The following TRPS1 variants were observed in gnomAD, a reference collection of about 807,000 sequenced individuals.
The protein encoded by TRPS1 is transcriptional repressor GATA binding 1, also known as zinc finger transcription factor Trps1.
In TRPS1, 6 loss-of-function variants were observed where a neutral mutation model predicts 101.2. The observed-to-expected ratio is 0.06, with a 90% CI of 0.03 to 0.12. TRPS1 has a LOEUF of 0.12. Among genes scored for constraint, TRPS1 ranks in the 10% least tolerant of loss-of-function variants. TRPS1 has a pLI of 1.00. For missense variants in TRPS1, 1,363 were observed against 1,567.0 expected, an observed-to-expected ratio of 0.87 and a Z score of 2.20; for synonymous variants, 578 against 589.8, an observed-to-expected ratio of 0.98 and a Z score of 0.29.
intron 5 of TRPS1, chr8:115,510,917 G>A (rs1416281495): frequency 6.6e-6 from 1 of 151,882 alleles, no homozygotes; most frequent in Admixed American, 6.6e-5. Context: ...AGAATTTTCA[G>A]GATGTAGTAA....
chr8:115,658,276 A>C (rs1811720230), intron 1 of TRPS1, among the ~76,000 whole-genome samples: 1 of 152,122 alleles, frequency 6.6e-6, no homozygotes, highest in Non-Finnish European at 1.5e-5. Context: ...ACAGTAGCGC[A>C]CCAGAAGCTA....
intron 5 of TRPS1, among the ~76,000 whole-genome samples, chr8:115,433,097 T>C (rs968223590): frequency 6.6e-6 from 1 of 151,892 alleles, no homozygotes; most frequent in African/African-American, 2.4e-5. Flanking sequence ...AATTTGAAAA[T>C]ATCACCATAA....
chr8:115,628,366 C>T (rs982618967), intron 1 of TRPS1, among the ~76,000 whole-genome samples: 10 of 151,630 alleles, frequency 6.6e-5, no homozygotes, highest in Non-Finnish European at 1.0e-4. Context: ...GGTTTAGCTA[C>T]CACCCTATTT....
In TRPS1 at chr8:115,574,528, T is replaced by C. The variant is rs188893058; in HGVS notation, c.2700+12473A>G. The stretch of plus-strand genomic sequence containing the variant: ...AAAGAGACAGGACATAGAATAGTTT[T>C]GTACTCTTTGCTTTAACACCTGATT... On this transcript the variant is annotated intron_variant, in intron 5 of 6. Coordinates refer to ENST00000395715, the MANE Select transcript of TRPS1 (RefSeq NM_014112.5). 9.7e-4 allele frequency among the ~76,000 whole-genome samples: 147 copies of C among 152,272 alleles called. 1 individual carries two copies. The Middle Eastern group carries it at 0.014, about 14-fold the overall frequency.
intron 1 of TRPS1, among the ~76,000 whole-genome samples, chr8:115,650,606 AG>A (rs1811538173): frequency 6.6e-6 from 1 of 152,212 alleles, no homozygotes. Context: ...TAAAAAAAAA[AG>A]TTCTTAAACT....
intron 5 of TRPS1, among the ~76,000 whole-genome samples, chr8:115,443,779 C>T (rs1813665645): frequency 6.6e-6 from 1 of 152,176 alleles, no homozygotes; most frequent in Non-Finnish European, 1.5e-5. Flanking sequence ...TATGATCGTT[C>T]CATTTCAGAA....
At chr8:115,521,332 T>C (rs1301880852) in intron 5 of TRPS1, among the ~76,000 whole-genome samples, 1 of 151,854 alleles carries the variant, frequency 6.6e-6, no homozygotes, top group Non-Finnish European at 1.5e-5. Context: ...TTGTATTTTG[T>C]AGTTTCTTGT....
chr8:115,645,667 A>T (rs981453296), intron 1 of TRPS1, among the ~76,000 whole-genome samples: 2 of 152,228 alleles, frequency 1.3e-5, no homozygotes, highest in South Asian at 4.1e-4. Context: ...TCAAAAAGTC[A>T]TATTTTTTAA....
rs137933932 is a variant in TRPS1, at chr8:115,479,670, T to A, written c.2701-61218A>T. Among the ~76,000 whole-genome samples the A allele has an allele frequency of 3.5e-4, 54 of 152,278 alleles. No individual in the cohort carries two copies. The East Asian group carries it at 8.3e-3, about 23-fold the overall frequency. ...TCTATATTTAACAGCATTAATAACA[T>A]AACAGTCTATATTTAACAGACAGCT... On this transcript the variant is annotated intron_variant, in intron 5 of 6. Coordinates refer to ENST00000395715, the MANE Select transcript of TRPS1 (RefSeq NM_014112.5).
chr8:115,529,584 A>C (rs1816081932), intron 5 of TRPS1, among the ~76,000 whole-genome samples: 1 of 152,128 alleles, frequency 6.6e-6, no homozygotes, highest in East Asian at 1.9e-4. Context: ...CCTCTCCTGA[A>C]GAAGAGAAAG....
chr8:115,463,669 G>C (rs992715244), intron 5 of TRPS1, among the ~76,000 whole-genome samples: 4 of 152,046 alleles, frequency 2.6e-5, no homozygotes, highest in East Asian at 1.9e-4. Context: ...GTATTTCATT[G>C]ATTTCAGCTC....
At chr8:115,512,369 T>C (rs1815607173) in intron 5 of TRPS1, among the ~76,000 whole-genome samples, 1 of 151,718 alleles carries the variant, frequency 6.6e-6, no homozygotes, top group South Asian at 2.1e-4. Context: ...AAGCTTGGCC[T>C]TATTTCTTCA....
intron 5 of TRPS1, among the ~76,000 whole-genome samples, chr8:115,567,887 A>G (rs544999310): frequency 6.6e-6 from 1 of 152,240 alleles, no homozygotes; most frequent in East Asian, 1.9e-4. Context: ...ATGATATATC[A>G]GGGATTAGAG....
chr8:115,542,384 C>T (rs779322820), intron 5 of TRPS1, among the ~76,000 whole-genome samples: 12 of 151,910 alleles, frequency 7.9e-5, no homozygotes, highest in South Asian at 4.1e-4. Context: ...CCTGACTTTC[C>T]GAAATATTTA....
At chr8:115,430,002 T>A (rs28491776) in intron 5 of TRPS1, among the ~76,000 whole-genome samples, 1,693 of 152,260 alleles carry the variant, frequency 0.011, 30 homozygotes, top group African/African-American at 0.037. Context: ...AAAGGATTCA[T>A]AGTGTAGCTG....
intron 5 of TRPS1, among the ~76,000 whole-genome samples, chr8:115,578,572 A>ATCCC (rs1817373934): frequency 6.6e-6 from 1 of 152,104 alleles, no homozygotes; most frequent in Non-Finnish European, 1.5e-5. Flanking sequence ...CACAAAAATG[A>ATCCC]ACATTGTGGG....
At chr8:115,632,575 A>T (rs2130565209) in intron 1 of TRPS1, among the ~76,000 whole-genome samples, 1 of 152,248 alleles carries the variant, frequency 6.6e-6, no homozygotes, top group South Asian at 2.1e-4. Context: ...TATCAGCAGT[A>T]GAATAGATTT....
At chr8:115,664,400 G>A (rs1345871187) in intron 1 of TRPS1, among the ~76,000 whole-genome samples, 1 of 151,986 alleles carries the variant, frequency 6.6e-6, no homozygotes, top group East Asian at 1.9e-4. Context: ...ATCTAAGGGG[G>A]ACTCAAAAAT....
chr8:115,633,813 T>C (rs1465613609), intron 1 of TRPS1, among the ~76,000 whole-genome samples: 3 of 152,188 alleles, frequency 2.0e-5, no homozygotes, highest in Non-Finnish European at 4.4e-5. Flanking sequence ...TTGCTGTAAA[T>C]CTATGTAATA....
Sources: gnomAD v4.1 joint callset for allele counts (sites outside exome capture counted in the v4.1 genomes callset) on GRCh38, gnomAD v4.1.1 for gene constraint, MANE v1.5 for transcripts, NCBI Gene and HGNC (gene_info 2026-07-23, HGNC 2026-07-21) for gene names.